The following FAM3B variants were observed in gnomAD, a reference collection of about 807,000 sequenced individuals.
FAM3B encodes the protein protein FAM3B.
In FAM3B, 29 loss-of-function variants were observed where a neutral mutation model predicts 28.4. The ratio of observed to expected loss-of-function variants is 1.02; its 90% CI spans 0.76 to 1.39. The LOEUF (loss-of-function observed/expected upper bound fraction) is 1.39. Among genes scored for constraint, FAM3B ranks in the 40% most tolerant of loss-of-function variants. The pLI is 0.00. For synonymous variants in FAM3B, 91 were observed against 103.0 expected (o/e 0.88, Z 0.71); for missense variants, 266 against 293.9 (o/e 0.91, Z 0.69).
upstream of FAM3B, among the ~76,000 whole-genome samples, chr21:41,315,332 A>G (rs949349288): frequency 2.0e-5 from 3 of 152,184 alleles, no homozygotes; most frequent in Non-Finnish European, 4.4e-5. Context: ...GTTTTGCAAG[A>G]TGAAAAAGTT....
Position 41,345,745 on chromosome 21 carries a change from AT to A in FAM3B, c.397+15del. On this transcript the variant is annotated intron_variant, in intron 5 of 7. Coordinates refer to ENST00000357985, the MANE Select transcript of FAM3B (RefSeq NM_058186.4). Reference sequence around the variant, plus strand: ...TGATATGTATGAAGGTGGTAAGAAAATTTTTTCTGTTAAAATTCAAATGAAT... The same window carrying A: ...TGATATGTATGAAGGTGGTAAGAAAATTTTTCTGTTAAAATTCAAATGAAT... 6.6e-7 allele frequency: 1 copy of A among 1,509,742 alleles called. No homozygotes were observed. Among genetic ancestry groups the A allele is most frequent in the Non-Finnish European group, 9.1e-7 (1 of 1,093,682 alleles). 93.5% of individuals were successfully genotyped at this position (1,509,742 alleles called of 1,614,324 possible).
intron 2 of FAM3B, among the ~76,000 whole-genome samples, chr21:41,329,582 T>TC (rs1257907308): frequency 6.6e-6 from 1 of 151,996 alleles, no homozygotes; most frequent in Non-Finnish European, 1.5e-5. Context: ...CCTTTTTTTT[T>TC]TTTTTGAGAT....
chr21:41,322,833 G>C (rs777810256), intron 1 of FAM3B, 90 bp from the exon 2 acceptor site: 1 of 1,604,772 alleles, frequency 6.2e-7, no homozygotes, highest in East Asian at 2.2e-5. Flanking sequence ...CACTGGGCCG[G>C]GATGAAAAGC....
chr21:41,316,718 G>T, upstream of FAM3B: 1 of 522,940 alleles, frequency 1.9e-6, no homozygotes, highest in Non-Finnish European at 3.0e-6. Context: ...CGCACCTGCC[G>T]GGTCCGCACC....
rs2089051632 is a variant in FAM3B at position 41,345,734 on chromosome 21, G to A, written c.395G>A (p.Gly132Asp). The A allele has an allele frequency of 1.0e-5, 16 of 1,565,230 alleles. No homozygotes were observed. Among genetic ancestry groups the A allele is most frequent in the Non-Finnish European group, 1.4e-5 (16 of 1,146,160 alleles). Reference protein sequence around the residue: ...TATRCFDMYEGDNSGPMTKFI... With the variant: ...TATRCFDMYEDDNSGPMTKFI... The stretch of plus-strand genomic sequence containing the variant: ...ACACGATGTTTTGATATGTATGAAG[G>A]TGGTAAGAAAATTTTTTCTGTTAAA... The change falls in exon 5 of 8, where the codon GGT becomes GAT. Residue 132 changes from glycine (G) to aspartate (D), a missense_variant and splice_region_variant. Transcript: ENST00000357985.
chr21:41,350,749 G>A (rs1402982597), intron 7 of FAM3B, among the ~76,000 whole-genome samples: 2 of 152,184 alleles, frequency 1.3e-5, no homozygotes, highest in Non-Finnish European at 2.9e-5. Context: ...TGGAGGCCCT[G>A]GTTTCACATA....
chr21:41,310,946 T>C (rs555403546), intron 1 of FAM3B, among the ~76,000 whole-genome samples: 3 of 152,144 alleles, frequency 2.0e-5, no homozygotes, highest in Admixed American at 6.5e-5. Flanking sequence ...GTTTAAAAAG[T>C]ATTAAATAAG....
chr21:41,343,669 C>T lies in FAM3B; in HGVS notation c.288-807C>T, dbSNP rs765799077. Among the ~76,000 whole-genome samples, 5 of 152,208 alleles carry T rather than the reference C, an allele frequency of 3.3e-5. No homozygotes were observed. The South Asian group carries it at 6.2e-4, about 19-fold the overall frequency. ...ACATGTCATTGATTCTGACACTTGA[C>T]AATGGGAACATGCACATATACAACA... On this transcript the variant is annotated intron_variant, in intron 3 of 7. Transcript: ENST00000357985.
At chr21:41,319,354 C>T (rs975480660) in intron 1 of FAM3B, 2 of 152,242 alleles carry the variant, frequency 1.3e-5, no homozygotes, top group African/African-American at 4.8e-5. Flanking sequence ...AGCTTTCCCC[C>T]TGTGCTAAGA....
intron 3 of FAM3B, among the ~76,000 whole-genome samples, chr21:41,343,338 C>A (rs1256553993): frequency 6.6e-6 from 1 of 152,170 alleles, no homozygotes; most frequent in Non-Finnish European, 1.5e-5. Flanking sequence ...TCTTAACTAC[C>A]TTATTTGGTC....
chr21:41,338,529 A>G (rs1267152558), intron 3 of FAM3B, 28 bp downstream of exon 3: 1 of 1,613,040 alleles, frequency 6.2e-7, no homozygotes, highest in South Asian at 1.1e-5. Flanking sequence ...GAAGGAAAAT[A>G]AAGCGATCCT....
intron 1 of FAM3B, among the ~76,000 whole-genome samples, chr21:41,310,566 G>A (rs1337002336): frequency 2.0e-5 from 3 of 152,152 alleles, no homozygotes; most frequent in Non-Finnish European, 4.4e-5. Flanking sequence ...AATTGAACTA[G>A]GACCTGTACT....
intron 7 of FAM3B, among the ~76,000 whole-genome samples, chr21:41,351,221 A>G (rs971753486): frequency 2.6e-5 from 4 of 152,252 alleles, no homozygotes; most frequent in Admixed American, 2.6e-4. Context: ...GATTTCCTTC[A>G]TATGAAAGAG....
rs2088856375 is a variant in FAM3B, at chr21:41,326,572, G to A, written c.163+3506G>A. On this transcript the variant is annotated intron_variant, in intron 2 of 7. Transcript: ENST00000357985. The surrounding 1 kb of genome is among the most constrained non-coding windows in gnomAD (Gnocchi z 4.0). ...CCAGGGGCTGCAAGTCTAGAAGCTGGGGAGGAGGCCATGCTCATGGCTGAC... is the reference window on the plus strand; with the variant it reads ...CCAGGGGCTGCAAGTCTAGAAGCTGAGGAGGAGGCCATGCTCATGGCTGAC... Among the ~76,000 whole-genome samples the A allele has an allele frequency of 6.6e-6, 1 of 152,232 alleles. No individual in the cohort carries two copies. The highest frequency in any genetic ancestry group is 2.1e-4 in the South Asian group (1 of 4,836).
At chr21:41,345,839 A>T in intron 5 of FAM3B, 103 bp downstream of exon 5, 1 of 751,958 alleles carries the variant, frequency 1.3e-6, no homozygotes, top group Admixed American at 2.1e-5. Flanking sequence ...TGTCTACTAG[A>T]AAAACGCCAG....
Position 41,345,685 on chromosome 21 carries a change from G to T in FAM3B, c.347-1G>T, listed in dbSNP as rs765817991. 6.5e-7 allele frequency: 1 copy of T among 1,537,192 alleles called. No homozygotes were observed. Among genetic ancestry groups the T allele is most frequent in the Non-Finnish European group, 8.7e-7 (1 of 1,145,922 alleles). On this transcript the variant is annotated splice_acceptor_variant, in intron 4 of 7. Coordinates refer to ENST00000357985, the MANE Select transcript of FAM3B (RefSeq NM_058186.4). LOFTEE classifies it high-confidence loss of function. ...TAAAATACCATTTCTTTTATTTTCA[G>T]ATGTAACTGGGAATGTGACAGCAAC...
chr21:41,336,843 T>C (rs2088960387), intron 2 of FAM3B, among the ~76,000 whole-genome samples: 1 of 152,264 alleles, frequency 6.6e-6, no homozygotes, highest in Non-Finnish European at 1.5e-5. Context: ...CTTTGTCTTT[T>C]TTAAAAGTTT....
chr21:41,338,619 G>A, intron 3 of FAM3B, 118 bp downstream of exon 3: 2 of 1,358,506 alleles, frequency 1.5e-6, no homozygotes, highest in Middle Eastern at 2.6e-4. Flanking sequence ...TTGGTCTCAG[G>A]CAAAAGGCTG....
At chr21:41,317,928 CTT>C (rs2088765414) in intron 1 of FAM3B, among the ~76,000 whole-genome samples, 1 of 152,134 alleles carries the variant, frequency 6.6e-6, no homozygotes, top group African/African-American at 2.4e-5. Flanking sequence ...TTTTCGATAA[CTT>C]GTGTGGATTG....
Sources: allele counts gnomAD v4.1 joint callset (sites outside exome capture counted in the v4.1 genomes callset), GRCh38; gene constraint gnomAD v4.1.1; non-coding constraint Gnocchi (gnomAD v3.1); transcripts MANE v1.5; gene names NCBI Gene and HGNC (gene_info 2026-07-23, HGNC 2026-07-21).